DMD: variants seen among roughly 807,000 people sequenced by gnomAD.
DMD encodes mutant dystrophin.
A neutral mutation model predicts 330.1 loss-of-function variants in DMD; 63 were observed. The observed-to-expected ratio is 0.19, with a 90% CI of 0.16 to 0.24. DMD has a LOEUF of 0.24. Ranked by LOEUF, DMD falls within the 10% of genes least tolerant of loss-of-function variation. The pLI is 1.00. For missense variants in DMD, 3,344 were observed against 2,684.1 expected (o/e 1.25, Z -5.43); for synonymous variants, 1,223 against 959.8 (o/e 1.27, Z -5.07).
chrX:31,499,459 C>A (rs1208721620), intron 56 of DMD, among the ~76,000 whole-genome samples: 2 of 105,542 alleles, frequency 1.9e-5, no homozygotes, highest in Non-Finnish European at 3.9e-5. Flanking sequence ...TAAGAGAGAG[C>A]AAAATAACTG....
intron 50 of DMD, among the ~76,000 whole-genome samples, chrX:31,813,004 A>G (rs2092509461): frequency 8.9e-6 from 1 of 112,175 alleles, no homozygotes; most frequent in Non-Finnish European, 1.9e-5. Context: ...AGAAGAGAAG[A>G]TAGAGCTGCA....
intron 44 of DMD, among the ~76,000 whole-genome samples, chrX:32,023,694 C>T (rs987208223): frequency 9.0e-6 from 1 of 111,471 alleles, no homozygotes; most frequent in Non-Finnish European, 1.9e-5. Flanking sequence ...AACCTAGGTG[C>T]CCATTAATGG....
At chrX:32,523,932 CT>C (rs57254581) in intron 17 of DMD, among the ~76,000 whole-genome samples, 14,877 of 86,951 alleles carry the variant, frequency 0.17, 1,114 homozygotes, top group African/African-American at 0.3. Flanking sequence ...CAAAAGAAAT[CT>C]TTTTTTTTTT....
intron 9 of DMD, among the ~76,000 whole-genome samples, chrX:32,678,213 C>T (rs1320341965): frequency 8.9e-6 from 1 of 112,092 alleles, no homozygotes; most frequent in Non-Finnish European, 1.9e-5. Context: ...CTGTATTGTA[C>T]ACTTAAAATG....
chrX:31,713,461 T>C (rs1603450539), intron 52 of DMD, among the ~76,000 whole-genome samples: 1 of 111,940 alleles, frequency 8.9e-6, no homozygotes, highest in East Asian at 2.8e-4. Context: ...AAGTTATTGT[T>C]GGTACACATT....
intron 64 of DMD, among the ~76,000 whole-genome samples, chrX:31,217,429 G>A (rs1053493346): frequency 9.9e-5 from 11 of 111,008 alleles, no homozygotes; most frequent in South Asian, 3.8e-4. Flanking sequence ...TGATAGGGAA[G>A]TGAAAAAAAA....
chrX:31,238,940 T>C (rs756789562), intron 63 of DMD, among the ~76,000 whole-genome samples: 2 of 112,010 alleles, frequency 1.8e-5, no homozygotes, highest in Admixed American at 9.5e-5. Flanking sequence ...TTCCCAGTCC[T>C]CCTTATCTAG....
chrX:32,263,935 T>A (rs775680475), intron 43 of DMD, among the ~76,000 whole-genome samples: 5 of 112,132 alleles, frequency 4.5e-5, no homozygotes, highest in Non-Finnish European at 7.5e-5. Context: ...AAGAGACTAC[T>A]GCTCTCAGCA....
rs375877204 is a variant in DMD, at chrX:32,761,825, C to T, written c.649+47668G>A. 1.1e-4 allele frequency among the ~76,000 whole-genome samples: 12 copies of T among 111,162 alleles called. No homozygotes were observed. In the East Asian group the frequency reaches 1.7e-3, roughly 16 times the overall value. On this transcript the variant is annotated intron_variant, in intron 7 of 78. Transcript: ENST00000357033. ...CAGACTTTCCATTAACAGTTTATAA[C>T]GTCTTCTGAACTATCTGTTCACATA...
chrX:32,128,729 C>T (rs1454197298), intron 44 of DMD, among the ~76,000 whole-genome samples: 1 of 111,826 alleles, frequency 8.9e-6, no homozygotes, highest in Non-Finnish European at 1.9e-5. Flanking sequence ...CCATTCAACA[C>T]TCGCATTTAT....
At chrX:31,234,384 A>G (rs1321102489) in intron 63 of DMD, among the ~76,000 whole-genome samples, 1 of 112,217 alleles carries the variant, frequency 8.9e-6, no homozygotes. Flanking sequence ...TTTGGACTCC[A>G]CCTTTTACTA....
In DMD at chrX:32,746,786, G is replaced by A. The variant is rs753278869; in HGVS notation, c.650-47493C>T. Among the ~76,000 whole-genome samples the A allele has an allele frequency of 9.0e-5, 10 of 111,272 alleles. No individual in the cohort carries two copies. The East Asian group carries it at 2.8e-3, about 32-fold the overall frequency. On this transcript the variant is annotated intron_variant, in intron 7 of 78. Transcript: ENST00000357033. Reference sequence around the variant, plus strand: ...ACTGAAGTTACCTTACAGTGCTTTAGAACACTAGTACATATCCGTCCTATT... The same window carrying A: ...ACTGAAGTTACCTTACAGTGCTTTAAAACACTAGTACATATCCGTCCTATT...
intron 55 of DMD, among the ~76,000 whole-genome samples, chrX:31,549,177 G>A (rs1156647651): frequency 1.8e-5 from 2 of 110,477 alleles, no homozygotes; most frequent in African/African-American, 6.6e-5. Flanking sequence ...TAAGTACATT[G>A]GACCCCTCCA....
At chrX:31,952,795 A>G (rs546548917) in intron 45 of DMD, among the ~76,000 whole-genome samples, 114 of 111,909 alleles carry the variant, frequency 1.0e-3, no homozygotes, top group African/African-American at 3.4e-3. Context: ...TTGACATTTT[A>G]AATAACATAT....
chrX:31,943,432 A>T (rs1259612541), intron 45 of DMD, among the ~76,000 whole-genome samples: 1 of 112,294 alleles, frequency 8.9e-6, no homozygotes, highest in East Asian at 2.8e-4. Flanking sequence ...TAGACATTGC[A>T]TCTGATTATA....
intron 2 of DMD, among the ~76,000 whole-genome samples, chrX:32,889,817 C>T (rs2085021070): frequency 9.0e-6 from 1 of 111,064 alleles, no homozygotes; most frequent in Admixed American, 9.6e-5. Context: ...CCCACCTGCA[C>T]CCAGGTGAAA....
intron 44 of DMD, among the ~76,000 whole-genome samples, chrX:32,169,471 G>C (rs759593134): frequency 2.9e-4 from 32 of 111,610 alleles, no homozygotes; most frequent in African/African-American, 9.1e-4. Context: ...CAATAAAAGG[G>C]GGGTATTTTA....
intron 55 of DMD, among the ~76,000 whole-genome samples, chrX:31,511,854 T>C (rs1322036240): frequency 9.7e-6 from 1 of 102,809 alleles, no homozygotes; most frequent in East Asian, 3.1e-4. Flanking sequence ...TACCCAGTAA[T>C]GGGATGGCTG....
chrX:33,057,940 A>G (rs2094537425), intron 1 of DMD, among the ~76,000 whole-genome samples: 1 of 111,949 alleles, frequency 8.9e-6, no homozygotes, highest in South Asian at 3.7e-4. Flanking sequence ...GTGCAGTGGC[A>G]TGATCTCAGC....
Sources: allele counts gnomAD v4.1 joint callset (sites outside exome capture counted in the v4.1 genomes callset), GRCh38; gene constraint gnomAD v4.1.1; transcripts MANE v1.5; gene names NCBI Gene and HGNC (gene_info 2026-07-23, HGNC 2026-07-21).